The following LRP1B variants were observed in gnomAD, a reference collection of about 807,000 sequenced individuals.
LRP1B encodes the protein LDL receptor related protein 1B.
LRP1B carries 217 observed loss-of-function variants against 556.6 expected under a neutral mutation model. The observed-to-expected ratio is 0.39, with a 90% confidence interval of 0.35 to 0.44. The LOEUF (loss-of-function observed/expected upper bound fraction) is 0.44, where lower values mean the gene tolerates loss of function less well. LRP1B is among the 20% of genes least tolerant of loss of function. The pLI is 1.00. For missense variants in LRP1B, 5,053 were observed against 5,620.8 expected (o/e 0.90, Z 3.23); for synonymous variants, 2,047 against 1,865.8 (o/e 1.10, Z -2.50).
intron 2 of LRP1B, among the ~76,000 whole-genome samples, chr2:141,494,160 T>C (rs970434499): frequency 2.0e-5 from 3 of 152,260 alleles, no homozygotes; most frequent in African/African-American, 7.2e-5. Context: ...GCTCAGCAGG[T>C]TGAAGCCCAG....
chr2:140,522,092 T>C (rs1197301831), intron 49 of LRP1B, among the ~76,000 whole-genome samples: 2 of 151,998 alleles, frequency 1.3e-5, no homozygotes, highest in East Asian at 3.9e-4. Context: ...TTGGACCTAA[T>C]AGACATCCAC....
rs2105426256 is a variant in LRP1B, at chr2:140,701,796, C to A, written c.6352G>T (p.Glu2118Ter). 6.2e-7 allele frequency: 1 copy of A among 1,613,282 alleles called. No homozygotes were observed. Among genetic ancestry groups the A allele is most frequent in the Non-Finnish European group, 8.5e-7 (1 of 1,179,460 alleles). ...VRRGHKNDAT[E>*]TITMRTGLGV... ...AGGCCGGTTCTCATGGTTATCGTTT[C>A]TGTGGCATCATTCTTGTGGCCCCTT... Residue 2118 changes from glutamate to a stop codon, truncating the protein, a stop_gained, in exon 40 of 91, where the codon GAA becomes TAA. Coordinates refer to ENST00000389484, the MANE Select transcript of LRP1B (RefSeq NM_018557.3). LOFTEE classifies it high-confidence loss of function.
intron 77 of LRP1B, among the ~76,000 whole-genome samples, chr2:140,348,264 A>C (rs1681784974): frequency 6.6e-6 from 1 of 152,056 alleles, no homozygotes; most frequent in Admixed American, 6.6e-5. Flanking sequence ...TGTCTTTATA[A>C]TATTGAAATA....
At chr2:140,364,589 C>T (rs2105150896) in intron 72 of LRP1B, 72 bp downstream of exon 72, 1 of 1,559,820 alleles carries the variant, frequency 6.4e-7, no homozygotes, top group African/African-American at 1.4e-5. Flanking sequence ...CACCTCCCCA[C>T]TTCATTGATT....
intron 1 of LRP1B, among the ~76,000 whole-genome samples, chr2:141,879,140 T>G (rs1051819535): frequency 2.0e-5 from 3 of 151,874 alleles, no homozygotes; most frequent in African/African-American, 7.2e-5. Flanking sequence ...GGAATCTTTA[T>G]AGAAAATATA....
chr2:140,959,507 C>T (rs912055792), intron 18 of LRP1B, among the ~76,000 whole-genome samples: 19 of 151,092 alleles, frequency 1.3e-4, no homozygotes, highest in African/African-American at 4.6e-4. Flanking sequence ...TTAATGTAGT[C>T]CTAAAGTTAA....
At chr2:141,309,875 A>G (rs1686745607) in intron 3 of LRP1B, among the ~76,000 whole-genome samples, 1 of 152,144 alleles carries the variant, frequency 6.6e-6, no homozygotes, top group Non-Finnish European at 1.5e-5. Flanking sequence ...CATCAATTGC[A>G]AAATGAGAGA....
chr2:141,688,896 T>C (rs9653179), intron 2 of LRP1B, among the ~76,000 whole-genome samples: 38,710 of 151,754 alleles, frequency 0.26, 5,314 homozygotes, highest in East Asian at 0.51. Flanking sequence ...ATTATTATTC[T>C]GCCACCTTTC....
chr2:141,299,564 A>T (rs1686310192), intron 3 of LRP1B, among the ~76,000 whole-genome samples: 1 of 152,180 alleles, frequency 6.6e-6, no homozygotes, highest in South Asian at 2.1e-4. Context: ...GAATTTAGTC[A>T]ATTTAAATAT....
At chr2:141,175,397 T>A (rs1283579473) in intron 7 of LRP1B, among the ~76,000 whole-genome samples, 3 of 152,116 alleles carry the variant, frequency 2.0e-5, no homozygotes, top group Non-Finnish European at 4.4e-5. Flanking sequence ...TATGCAGCCT[T>A]GGGACTTGAT....
rs568542129 is a variant in LRP1B, at chr2:141,535,069, G to T, written c.206-54536C>A. On this transcript the variant is annotated intron_variant, in intron 2 of 90. Coordinates refer to ENST00000389484, the MANE Select transcript of LRP1B (RefSeq NM_018557.3). ...ATTCCTGTGGAGGCTCTCTCACATG[G>T]CTGTGCACTTCCCAATCACTTTTGT... is the stretch of plus-strand genomic sequence containing the variant. 3.9e-5 allele frequency among the ~76,000 whole-genome samples: 6 copies of T among 152,180 alleles called. No individual in the cohort carries two copies. The South Asian group carries it at 6.2e-4, about 16-fold the overall frequency.
intron 11 of LRP1B, among the ~76,000 whole-genome samples, chr2:141,029,765 G>A (rs972434721): frequency 6.6e-6 from 1 of 151,996 alleles, no homozygotes; most frequent in Non-Finnish European, 1.5e-5. Flanking sequence ...TCTACTTTTG[G>A]CACCAATGCA....
chr2:140,624,214 T>A (rs1683569130), intron 41 of LRP1B, among the ~76,000 whole-genome samples: 1 of 151,932 alleles, frequency 6.6e-6, no homozygotes, highest in African/African-American at 2.4e-5. Context: ...AATTTCTTAA[T>A]ATAGTGCCAG....
At chr2:140,380,029 C>T (rs1230859848) in intron 67 of LRP1B, among the ~76,000 whole-genome samples, 5 of 151,916 alleles carry the variant, frequency 3.3e-5, no homozygotes, top group Admixed American at 6.6e-5. Flanking sequence ...TACCATCTAC[C>T]GATTGCTTAT....
chr2:142,068,165 C>T (rs998492960), intron 1 of LRP1B, among the ~76,000 whole-genome samples: 1 of 151,460 alleles, frequency 6.6e-6, no homozygotes, highest in African/African-American at 2.4e-5. Context: ...AAAATTTGGT[C>T]CCCATGTAAG....
Position 140,457,654 on chromosome 2 carries a change from G to GT in LRP1B, c.9626-4dup. 6.2e-7 allele frequency: 1 copy of GT among 1,607,258 alleles called. No homozygotes were observed. Among genetic ancestry groups the GT allele is most frequent in the Non-Finnish European group, 8.5e-7 (1 of 1,174,052 alleles). ...CCCTGGAATATCTTGATTAGGGACT[G>GT]TAATAGGAGATGGTAAGATTAATGT... On this transcript the variant is annotated splice_region_variant and splice_polypyrimidine_tract_variant and intron_variant, in intron 60 of 90. Transcript: ENST00000389484.
At chr2:141,765,157 A>G (rs1204879967) in intron 2 of LRP1B, among the ~76,000 whole-genome samples, 1 of 152,198 alleles carries the variant, frequency 6.6e-6, no homozygotes, top group Non-Finnish European at 1.5e-5. Context: ...CAAGTGGCAA[A>G]AATAATTTAG....
intron 41 of LRP1B, among the ~76,000 whole-genome samples, chr2:140,665,707 G>A (rs1233780540): frequency 6.6e-6 from 1 of 152,044 alleles, no homozygotes; most frequent in African/African-American, 2.4e-5. Flanking sequence ...TTTACATGAT[G>A]GCATATTCCC....
chr2:141,103,172 A>G (rs1012117605), intron 7 of LRP1B, among the ~76,000 whole-genome samples: 3 of 152,086 alleles, frequency 2.0e-5, no homozygotes, highest in African/African-American at 7.2e-5. Flanking sequence ...GTAACTCTAA[A>G]TATCTTTTTA....
Sources: gnomAD v4.1 joint callset for allele counts (sites outside exome capture counted in the v4.1 genomes callset) on GRCh38, gnomAD v4.1.1 for gene constraint, MANE v1.5 for transcripts, NCBI Gene and HGNC (gene_info 2026-07-23, HGNC 2026-07-21) for gene names.